RARB: variants seen among roughly 807,000 people sequenced by gnomAD.
The protein encoded by RARB is HBV-activated protein.
In RARB, 17 loss-of-function variants were observed where a neutral mutation model predicts 51.9. That is an observed-to-expected ratio of 0.33 (90% confidence interval 0.22 to 0.49). The LOEUF (loss-of-function observed/expected upper bound fraction) is 0.49. Among genes scored for constraint, RARB ranks in the 20% least tolerant of loss-of-function variants. The pLI is 0.99. For missense variants in RARB, 369 were observed against 550.8 expected (o/e 0.67, Z 3.30); for synonymous variants, 215 against 195.4 (o/e 1.10, Z -0.84).
intron 2 of RARB, among the ~76,000 whole-genome samples, chr3:25,050,877 T>A (rs1698319095): frequency 6.6e-6 from 1 of 152,210 alleles, no homozygotes; most frequent in Non-Finnish European, 1.5e-5. Context: ...TAAATGAACT[T>A]GCTTCTTGTT....
At chr3:25,231,537 C>T (rs1377802571) in intron 5 of RARB, among the ~76,000 whole-genome samples, 1 of 152,162 alleles carries the variant, frequency 6.6e-6, no homozygotes, top group Non-Finnish European at 1.5e-5. Context: ...AGTTAAGCTA[C>T]ATCAATGACT....
chr3:25,365,803 G>C (rs1026929), intron 5 of RARB, among the ~76,000 whole-genome samples: 72,849 of 152,016 alleles, frequency 0.48, 17,990 homozygotes, highest in East Asian at 0.75. Flanking sequence ...ACTTGTTATG[G>C]GGGCAGCTCC....
intron 2 of RARB, among the ~76,000 whole-genome samples, chr3:25,475,374 G>A (rs1575439842): frequency 6.6e-6 from 1 of 151,816 alleles, no homozygotes; most frequent in Non-Finnish European, 1.5e-5. Flanking sequence ...TTATATCGGG[G>A]TGGATAAGCT....
chr3:25,194,051 A>G (rs1701168507), intron 5 of RARB, among the ~76,000 whole-genome samples: 1 of 151,876 alleles, frequency 6.6e-6, no homozygotes, highest in African/African-American at 2.4e-5. Flanking sequence ...CATGGTATGT[A>G]TATATATATG....
At chr3:25,240,841 G>A (rs2125395908) in intron 5 of RARB, among the ~76,000 whole-genome samples, 1 of 152,128 alleles carries the variant, frequency 6.6e-6, no homozygotes, top group East Asian at 1.9e-4. Context: ...GGTAATTTTG[G>A]CTTTGTAGAA....
At chr3:25,070,398 G>A (rs1698744574) in intron 3 of RARB, among the ~76,000 whole-genome samples, 2 of 152,116 alleles carry the variant, frequency 1.3e-5, no homozygotes, top group African/African-American at 4.8e-5. Flanking sequence ...GTGACTATTA[G>A]CGATATTTGA....
intron 5 of RARB, among the ~76,000 whole-genome samples, chr3:25,334,006 A>G (rs962457756): frequency 1.1e-4 from 16 of 152,332 alleles, no homozygotes; most frequent in East Asian, 7.7e-4. Flanking sequence ...TAGAATGGCA[A>G]TCATTAAAAA....
intron 3 of RARB, among the ~76,000 whole-genome samples, chr3:25,541,816 A>G (rs1350533446): frequency 1.3e-5 from 2 of 152,172 alleles, no homozygotes; most frequent in Non-Finnish European, 2.9e-5. Flanking sequence ...GCTTTACAGA[A>G]CAACCCTCCG....
chr3:24,947,592 G>C (rs113393224), intron 2 of RARB, among the ~76,000 whole-genome samples: 1 of 152,162 alleles, frequency 6.6e-6, no homozygotes, highest in African/African-American at 2.4e-5. Context: ...GCAGCTGCAA[G>C]GAAGGCTCGC....
chr3:24,889,700 G>C (rs1281286669), intron 2 of RARB, among the ~76,000 whole-genome samples: 1 of 148,004 alleles, frequency 6.8e-6, no homozygotes, highest in African/African-American at 2.5e-5. Context: ...GTGTGTGTGT[G>C]TGTGTGTGTA....
intron 2 of RARB, among the ~76,000 whole-genome samples, chr3:24,952,551 C>T (rs1337423259): frequency 6.6e-6 from 1 of 152,176 alleles, no homozygotes; most frequent in Non-Finnish European, 1.5e-5. Context: ...ATGGCCTCTC[C>T]TTCAAGTCCT....
At chr3:25,418,808 A>C (rs1294562286) in intron 5 of RARB, among the ~76,000 whole-genome samples, 2 of 152,194 alleles carry the variant, frequency 1.3e-5, no homozygotes, top group Non-Finnish European at 2.9e-5. Flanking sequence ...AAACTGACTC[A>C]GAAAGGATTA....
At chr3:25,046,748 C>G (rs913853999) in intron 2 of RARB, among the ~76,000 whole-genome samples, 1 of 152,178 alleles carries the variant, frequency 6.6e-6, no homozygotes, top group Non-Finnish European at 1.5e-5. Context: ...AACCACCACT[C>G]CTGGCCTATA....
At chr3:25,136,049 C>A (rs1356437102) in intron 4 of RARB, among the ~76,000 whole-genome samples, 1 of 151,940 alleles carries the variant, frequency 6.6e-6, no homozygotes, top group African/African-American at 2.4e-5. Context: ...TCTGACCCAA[C>A]CTTCTTGGGT....
intron 1 of RARB, among the ~76,000 whole-genome samples, chr3:25,453,311 G>A (rs1158753140): frequency 1.5e-5 from 2 of 136,990 alleles, no homozygotes; most frequent in South Asian, 2.3e-4. Flanking sequence ...GCAATGGCAC[G>A]ATCTCGGCTC....
intron 3 of RARB, among the ~76,000 whole-genome samples, chr3:25,504,423 T>C (rs1697468835): frequency 1.3e-5 from 2 of 152,178 alleles, no homozygotes; most frequent in South Asian, 2.1e-4. Flanking sequence ...TGTGAACGCA[T>C]TGCTTTGAGC....
chr3:25,283,963 T>C (rs1167214295), intron 5 of RARB, among the ~76,000 whole-genome samples: 1 of 152,184 alleles, frequency 6.6e-6, no homozygotes, highest in Non-Finnish European at 1.5e-5. Context: ...TCCTAACAAA[T>C]AGCATAAGGC....
chr3:25,319,811 T>G (rs893791539), intron 5 of RARB, among the ~76,000 whole-genome samples: 1 of 152,188 alleles, frequency 6.6e-6, no homozygotes, highest in African/African-American at 2.4e-5. Context: ...CTGTGTGAGT[T>G]GCAGACAGAC....
chr3:25,442,616 A>G (rs758015281), intron 1 of RARB, among the ~76,000 whole-genome samples: 22 of 152,064 alleles, frequency 1.4e-4, no homozygotes, highest in African/African-American at 5.3e-4. Context: ...AACAAGCTCT[A>G]ATTATCCCTT....
Sources: allele counts gnomAD v4.1 joint callset (sites outside exome capture counted in the v4.1 genomes callset), GRCh38; gene constraint gnomAD v4.1.1; transcripts MANE v1.5; gene names NCBI Gene and HGNC (gene_info 2026-07-23, HGNC 2026-07-21).